PCIF1: variants seen among roughly 807,000 people sequenced by gnomAD.
The protein encoded by PCIF1 is mRNA (2'-O-methyladenosine-N(6)-)-methyltransferase.
In PCIF1, 12 loss-of-function variants were observed where a neutral mutation model predicts 86.9. The observed-to-expected ratio is 0.14, with a 90% CI of 0.09 to 0.22. The LOEUF is 0.22. Ranked by LOEUF, PCIF1 falls within the 10% of genes least tolerant of loss-of-function variation. The pLI, the probability that PCIF1 is intolerant of heterozygous loss-of-function variation, is 1.00. For missense variants in PCIF1, 701 were observed against 951.1 expected (o/e 0.74, Z 3.46); for synonymous variants, 397 against 372.0 (o/e 1.07, Z -0.77).
rs368720894 is a variant in PCIF1, at chr20:45,947,718, G to A, written c.2078G>A (p.Arg693His). Reference sequence around the variant, plus strand: ...GAGGCCAAGGACCGGGACTCGGGCCGTGAGCAGGGTCCTAGCCGCGAGCCT... The same window carrying A: ...GAGGCCAAGGACCGGGACTCGGGCCATGAGCAGGGTCCTAGCCGCGAGCCT... ...SSEAKDRDSG[R>H]EQGPSREPHP... Residue 693 changes from arginine to histidine, a missense_variant, in exon 17 of 17, where the codon CGT (arginine) becomes CAT (histidine). Transcript: ENST00000372409. This position sits in a 1 kb window ranked among gnomAD's most constrained non-coding sequence, Gnocchi z 5.4. 1.4e-4 allele frequency: 231 copies of A among 1,605,408 alleles called. 4 individuals carry two copies. Among genetic ancestry groups the A allele is most frequent in the South Asian group, 1.4e-3 (129 of 90,782 alleles).
rs2083534957 is a variant in PCIF1 at position 45,947,022 on chromosome 20, G to T, written c.1614-51G>T. On this transcript the variant is annotated intron_variant, in intron 14 of 16. Coordinates refer to ENST00000372409, the MANE Select transcript of PCIF1 (RefSeq NM_022104.4). The surrounding 1 kb of genome is among the most constrained non-coding windows in gnomAD (Gnocchi z 5.4). The stretch of plus-strand genomic sequence containing the variant: ...GGTTGGGGGGTGGCACCTGTTTCTG[G>T]TTGAGGGACTGGGTCCTGATGGGAC... 2 of 1,510,624 alleles carry T rather than the reference G, an allele frequency of 1.3e-6. No individual in the cohort carries two copies. Among genetic ancestry groups the T allele is most frequent in the Non-Finnish European group, 9.1e-7 (1 of 1,103,346 alleles). 93.6% of individuals were successfully genotyped at this position (1,510,624 alleles called of 1,614,324 possible).
Position 45,946,082 on chromosome 20 carries a change from GC to G in PCIF1, c.1399del (p.Arg467GlyfsTer11). On this transcript the variant is annotated frameshift_variant, in exon 13 of 17. Coordinates refer to ENST00000372409, the MANE Select transcript of PCIF1 (RefSeq NM_022104.4). LOFTEE classifies it high-confidence loss of function. ...IDDSAFERFL[P>X]RVWCLLRRYQ... The stretch of plus-strand genomic sequence containing the variant: ...ATGACTCTGCCTTTGAGAGGTTCCT[GC>G]CCCGGGTCTGGTGTCTTCTCCGACG... 1 of 1,614,208 alleles carries G rather than the reference GC, an allele frequency of 6.2e-7. No individual in the cohort carries two copies. Among genetic ancestry groups the G allele is most frequent in the Non-Finnish European group, 8.5e-7 (1 of 1,180,044 alleles).
At chr20:45,939,689 A>C (rs1041577000) in intron 4 of PCIF1, among the ~76,000 whole-genome samples, 1 of 152,252 alleles carries the variant, frequency 6.6e-6, no homozygotes, top group Non-Finnish European at 1.5e-5. Flanking sequence ...GAATACATCT[A>C]GATCCTGACA....
In PCIF1 at chr20:45,937,543, G is replaced by A; in HGVS notation, c.-62G>A. ...GGACCCTGTGGGGGTCCATCCGGCT[G>A]GAGAAGAAAAGCCTCTCATGCTAAC... On this transcript the variant is annotated 5_prime_UTR_variant, in exon 2 of 17. Coordinates refer to ENST00000372409, the MANE Select transcript of PCIF1 (RefSeq NM_022104.4). 2.5e-6 allele frequency: 1 copy of A among 399,052 alleles called. No individual in the cohort carries two copies. Among genetic ancestry groups the A allele is most frequent in the Non-Finnish European group, 4.4e-6 (1 of 226,090 alleles). The allele number at this position is 399,052 out of a possible 1,614,324, so 24.7% of individuals were successfully genotyped here.
intron 2 of PCIF1, 35 bp from the exon 3 acceptor site, chr20:45,938,946 G>T: frequency 6.2e-7 from 1 of 1,606,870 alleles, no homozygotes; most frequent in Non-Finnish European, 8.5e-7. Flanking sequence ...GGGTGAGGGG[G>T]TGGAGCTGAC....
At chr20:45,942,993 CTG>C in intron 7 of PCIF1, 102 bp from the exon 8 acceptor site, 1 of 1,195,668 alleles carries the variant, frequency 8.4e-7, no homozygotes, top group South Asian at 1.5e-5. Context: ...TGAAGTGGGA[CTG>C]TGTCTTGCTT....
At chr20:45,941,656 C>G (rs2083471120) in intron 7 of PCIF1, among the ~76,000 whole-genome samples, 1 of 151,946 alleles carries the variant, frequency 6.6e-6, no homozygotes, top group Non-Finnish European at 1.5e-5. Flanking sequence ...ATGGGGGTGT[C>G]ACGATGTTGG....
intron 4 of PCIF1, 31 bp from the exon 5 acceptor site, chr20:45,940,444 G>C: frequency 6.4e-7 from 1 of 1,567,328 alleles, no homozygotes; most frequent in Middle Eastern, 1.7e-4. Flanking sequence ...CGCTGGCCCT[G>C]GTTGCAACTC....
intron 1 of PCIF1, 48 bp downstream of exon 1, chr20:45,934,852 C>G (rs2145855767): frequency 2.5e-6 from 1 of 398,196 alleles, no homozygotes; most frequent in Non-Finnish European, 4.4e-6. Context: ...GCGCCAGGGT[C>G]TGGGGATCCG....
At chr20:45,942,974 A>C in intron 7 of PCIF1, 123 bp from the exon 8 acceptor site, 8 of 994,798 alleles carry the variant, frequency 8.0e-6, no homozygotes, top group Non-Finnish European at 1.0e-5. Context: ...AATGCAGCCT[A>C]GAAGCTTCTG....
At position 45,944,892 on chromosome 20, in the gene PCIF1, C is replaced by T. The variant is rs1478597916; in HGVS notation, c.1030C>T (p.Gln344Ter). The T allele has an allele frequency of 6.2e-7, 1 of 1,613,922 alleles. No individual in the cohort carries two copies. Among genetic ancestry groups the T allele is most frequent in the Non-Finnish European group, 8.5e-7 (1 of 1,179,898 alleles). Residue 344 changes from glutamine to a stop codon, truncating the protein, a stop_gained, in exon 11 of 17, where the codon CAG (glutamine) becomes TAG (stop). Coordinates refer to ENST00000372409, the MANE Select transcript of PCIF1 (RefSeq NM_022104.4). LOFTEE classifies it high-confidence loss of function. The stretch of plus-strand genomic sequence containing the variant: ...GGATCGCCTGGAGCATCTGCGGAGG[C>T]AGTGTGGCCCCCACGTCTCGGCCGC... ...YMDRLEHLRR[Q>*]CGPHVSAAAK...
rs2083538068 is a variant in PCIF1, at chr20:45,947,257, C to G, written c.1708-6C>G. ...CCTGACATCCACCCTGTGTCCCCTTCCACAGAGACTGCTTGAGAGCTCACC... is the reference window on the plus strand; with the variant it reads ...CCTGACATCCACCCTGTGTCCCCTTGCACAGAGACTGCTTGAGAGCTCACC... On this transcript the variant is annotated splice_polypyrimidine_tract_variant and splice_region_variant and intron_variant, in intron 15 of 16. Transcript: ENST00000372409. The surrounding 1 kb of genome is among the most constrained non-coding windows in gnomAD (Gnocchi z 5.4). 1 of 1,608,670 alleles carries G rather than the reference C, an allele frequency of 6.2e-7. No individual in the cohort carries two copies.
In PCIF1 at chr20:45,947,718, G is replaced by T. The variant is rs368720894; in HGVS notation, c.2078G>T (p.Arg693Leu). 19 of 1,605,528 alleles carry T rather than the reference G, an allele frequency of 1.2e-5. No individual in the cohort carries two copies. Among genetic ancestry groups the T allele is most frequent in the Non-Finnish European group, 1.6e-5 (19 of 1,175,520 alleles). ...GAGGCCAAGGACCGGGACTCGGGCC[G>T]TGAGCAGGGTCCTAGCCGCGAGCCT... Reference protein sequence around the residue: ...SSEAKDRDSGREQGPSREPHP... With the variant: ...SSEAKDRDSGLEQGPSREPHP... The change falls in exon 17 of 17, where the codon CGT becomes CTT. Residue 693 changes from arginine to leucine, a missense_variant. Coordinates refer to ENST00000372409, the MANE Select transcript of PCIF1 (RefSeq NM_022104.4). This position sits in a 1 kb window ranked among gnomAD's most constrained non-coding sequence, Gnocchi z 5.4.
intron 2 of PCIF1, chr20:45,937,787 A>G (rs573190146): frequency 1.8e-5 from 7 of 389,770 alleles, no homozygotes; most frequent in Non-Finnish European, 2.3e-5. Context: ...GCCAAACTGT[A>G]CTGATGGAGT....
rs1428231384 is a variant in PCIF1 at position 45,945,898 on chromosome 20, G to A, written c.1341+15G>A. On this transcript the variant is annotated intron_variant, in intron 12 of 16. Transcript: ENST00000372409. ...TCAGCAAGCTGGTAAGAGCTGCGGG[G>A]AGGAAGGCCCTAGCTGATGGCATGA... 1.9e-6 allele frequency: 3 copies of A among 1,613,636 alleles called. No homozygotes were observed. Among genetic ancestry groups the A allele is most frequent in the Admixed American group, 1.7e-5 (1 of 60,030 alleles).
At chr20:45,940,110 A>C (rs754305880) in intron 4 of PCIF1, among the ~76,000 whole-genome samples, 1 of 152,142 alleles carries the variant, frequency 6.6e-6, no homozygotes, top group African/African-American at 2.4e-5. Flanking sequence ...GCAGTTTTTG[A>C]GCTTTTCATT....
Position 45,947,806 on chromosome 20 carries a change from G to T in PCIF1, c.*51G>T. 3 of 1,567,004 alleles carry T rather than the reference G, an allele frequency of 1.9e-6. No individual in the cohort carries two copies. Among genetic ancestry groups the T allele is most frequent in the South Asian group, 1.2e-5 (1 of 86,476 alleles). ...CAGGGGTGCTAGTCTGGACTGCTGGGACTCGGGCCCCTGGGGCCTCAGAGG... is the reference window on the plus strand; with the variant it reads ...CAGGGGTGCTAGTCTGGACTGCTGGTACTCGGGCCCCTGGGGCCTCAGAGG... On this transcript the variant is annotated 3_prime_UTR_variant, in exon 17 of 17. Transcript: ENST00000372409. The surrounding 1 kb of genome is among the most constrained non-coding windows in gnomAD (Gnocchi z 5.4).
At chr20:45,935,130 A>T (rs950755499) in intron 1 of PCIF1, among the ~76,000 whole-genome samples, 2 of 149,984 alleles carry the variant, frequency 1.3e-5, no homozygotes, top group Admixed American at 6.6e-5. Flanking sequence ...AGCCCGAGAG[A>T]TGGGCCGGCG....
chr20:45,947,917 C>T lies in PCIF1; in HGVS notation c.*162C>T, dbSNP rs2083550163. 3 of 1,533,794 alleles carry T rather than the reference C, an allele frequency of 2.0e-6. No individual in the cohort carries two copies. The highest frequency in any genetic ancestry group is 1.4e-5 in the African/African-American group (1 of 72,844). On this transcript the variant is annotated 3_prime_UTR_variant, in exon 17 of 17. Transcript: ENST00000372409. This position sits in a 1 kb window ranked among gnomAD's most constrained non-coding sequence, Gnocchi z 5.4. ...GTCCCCAAGTCCTCACCTCAAACTC[C>T]CTCCAAGTCCCATGTATATAGGTCC...
Sources: allele counts gnomAD v4.1 joint callset (sites outside exome capture counted in the v4.1 genomes callset), GRCh38; gene constraint gnomAD v4.1.1; non-coding constraint Gnocchi (gnomAD v3.1); transcripts MANE v1.5; gene names NCBI Gene and HGNC (gene_info 2026-07-23, HGNC 2026-07-21).